Variants in TMIGD3 observed in about 807,000 individuals in gnomAD.
TMIGD3 encodes the protein transmembrane and immunoglobulin domain containing 3, also known as AD026 protein (AD026).
TMIGD3 carries 21 observed loss-of-function variants against 28.1 expected under a neutral mutation model. That is an observed-to-expected ratio of 0.75 (90% CI 0.53 to 1.08). TMIGD3 has a LOEUF of 1.08. TMIGD3 is among the 50% of genes least tolerant of loss of function. The pLI is 0.00. For missense variants in TMIGD3, 416 were observed against 435.6 expected, an observed-to-expected ratio of 0.96 and a Z score of 0.40; for synonymous variants, 151 against 162.1, an observed-to-expected ratio of 0.93 and a Z score of 0.52.
At chr1:111,525,567 A>T (rs916512588) in intron 1 of TMIGD3, among the ~76,000 whole-genome samples, 10 of 152,278 alleles carry the variant, frequency 6.6e-5, no homozygotes, top group African/African-American at 2.4e-4. Flanking sequence ...CTTTATATTT[A>T]AAACTAATTT....
At chr1:111,534,432 C>A (rs994182859) in intron 1 of TMIGD3, among the ~76,000 whole-genome samples, 5 of 152,222 alleles carry the variant, frequency 3.3e-5, no homozygotes, top group African/African-American at 1.2e-4. Context: ...TTTGTCTATG[C>A]TGAGCTCCTA....
At chr1:111,491,989 A>G (rs1654689096) in intron 1 of TMIGD3, among the ~76,000 whole-genome samples, 1 of 152,342 alleles carries the variant, frequency 6.6e-6, no homozygotes, top group Middle Eastern at 3.4e-3. Context: ...AAAATATGGC[A>G]GAAGTGATGG....
chr1:111,499,917 G>A, intron 1 of TMIGD3: 4 of 1,602,640 alleles, frequency 2.5e-6, no homozygotes, highest in Middle Eastern at 3.3e-4. Context: ...GGAATCTGAA[G>A]GTCAATGAGA....
intron 1 of TMIGD3, among the ~76,000 whole-genome samples, chr1:111,536,990 T>C (rs1255339223): frequency 6.6e-6 from 1 of 152,230 alleles, no homozygotes; most frequent in Non-Finnish European, 1.5e-5. Flanking sequence ...AGTTGACTGC[T>C]TCCTAGTACT....
Position 111,503,517 on chromosome 1 carries a change from T to C in TMIGD3, c.-163A>G. The C allele has an allele frequency of 7.0e-7, 1 of 1,432,180 alleles. No individual in the cohort carries two copies. The highest frequency in any genetic ancestry group is 9.1e-7 in the Non-Finnish European group (1 of 1,095,208). The allele number at this position is 1,432,180 out of a possible 1,614,324, so 88.7% of individuals were successfully genotyped here. The stretch of plus-strand genomic sequence containing the variant: ...TTCCTACCCTTTTCTGGTGGGGTGA[T>C]CTCTTGGAAACCCTTCTCCTTAGAA... On this transcript the variant is annotated 5_prime_UTR_variant, in exon 1 of 6. Coordinates refer to ENST00000369716, the MANE Select transcript of TMIGD3 (RefSeq NM_020683.7).
At chr1:111,484,204 TTGATGTG>T (rs1654249407) in intron 5 of TMIGD3, among the ~76,000 whole-genome samples, 1 of 152,188 alleles carries the variant, frequency 6.6e-6, no homozygotes, top group South Asian at 2.1e-4. Context: ...CATTTGGGTG[TTGATGTG>T]TGATGTGTGA....
chr1:111,557,358 C>T (rs1186845505), intron 1 of TMIGD3, among the ~76,000 whole-genome samples: 2 of 152,044 alleles, frequency 1.3e-5, no homozygotes, highest in Non-Finnish European at 2.9e-5. Context: ...ACCATCCTGG[C>T]TAACACGGTG....
intron 1 of TMIGD3, among the ~76,000 whole-genome samples, chr1:111,553,469 C>T (rs552054162): frequency 2.6e-5 from 4 of 152,258 alleles, no homozygotes; most frequent in South Asian, 2.1e-4. Flanking sequence ...CCATCATCCA[C>T]GCAACAGGAT....
intron 1 of TMIGD3, among the ~76,000 whole-genome samples, chr1:111,496,379 A>G (rs1471249724): frequency 1.3e-5 from 2 of 152,194 alleles, no homozygotes; most frequent in Non-Finnish European, 2.9e-5. Flanking sequence ...GCACACCTAA[A>G]GCCTTTCCCT....
At chr1:111,555,205 A>G (rs1657434978) in intron 1 of TMIGD3, among the ~76,000 whole-genome samples, 1 of 151,786 alleles carries the variant, frequency 6.6e-6, no homozygotes, top group Non-Finnish European at 1.5e-5. Context: ...GTCTCTACTA[A>G]AAACACAAAA....
At chr1:111,524,396 A>AT (rs754035832) in intron 1 of TMIGD3, among the ~76,000 whole-genome samples, 3 of 152,068 alleles carry the variant, frequency 2.0e-5, no homozygotes, top group Non-Finnish European at 4.4e-5. Context: ...TTTAAAAAAA[A>AT]TTTTAAATGA....
rs1338115188 is a variant in TMIGD3, at chr1:111,527,471, CAT to C, written c.107+36373_107+36374del. ...TATAAATAAATCTGTTACAAACACT[CAT>C]GTGTAGGTTTTTCTGTGGACGTAAA... is the stretch of plus-strand genomic sequence containing the variant. On this transcript the variant is annotated intron_variant, in intron 1 of 5. Transcript: ENST00000369717. Among the ~76,000 whole-genome samples, 3 of 152,308 alleles carry C rather than the reference CAT, an allele frequency of 2.0e-5. No individual in the cohort carries two copies. The East Asian group carries it at 5.8e-4, about 29-fold the overall frequency.
At chr1:111,498,680 CT>C (rs1323564542) in intron 1 of TMIGD3, among the ~76,000 whole-genome samples, 3 of 152,178 alleles carry the variant, frequency 2.0e-5, no homozygotes, top group African/African-American at 7.2e-5. Flanking sequence ...CTTAACTTCC[CT>C]GTGCCTCAGT....
intron 1 of TMIGD3, among the ~76,000 whole-genome samples, chr1:111,492,682 T>C (rs1654722162): frequency 6.6e-6 from 1 of 151,866 alleles, no homozygotes; most frequent in Non-Finnish European, 1.5e-5. Context: ...GGCGTGGTGG[T>C]GCGTGCCTGT....
upstream of TMIGD3, among the ~76,000 whole-genome samples, chr1:111,504,382 C>T (rs1015821960): frequency 1.3e-5 from 2 of 152,206 alleles, no homozygotes; most frequent in African/African-American, 4.8e-5. Flanking sequence ...TGCCCACATT[C>T]CCCAAGCCTC....
chr1:111,551,870 C>T (rs1489765212), intron 1 of TMIGD3, among the ~76,000 whole-genome samples: 1 of 152,124 alleles, frequency 6.6e-6, no homozygotes, highest in Non-Finnish European at 1.5e-5. Flanking sequence ...CCTTCACTTA[C>T]TGTTTGCTCA....
At chr1:111,524,046 T>G (rs371572195) in intron 1 of TMIGD3, among the ~76,000 whole-genome samples, 94 of 80,006 alleles carry the variant, frequency 1.2e-3, no homozygotes, top group Non-Finnish European at 2.1e-3. Flanking sequence ...TTTTTTTTTT[T>G]TGGGATGGAA....
At chr1:111,561,586 TCAGGTCAAACACAGAG>T (rs1657738588) in intron 1 of TMIGD3, among the ~76,000 whole-genome samples, 1 of 152,152 alleles carries the variant, frequency 6.6e-6, no homozygotes, top group African/African-American at 2.4e-5. Flanking sequence ...GGCCACATGG[TCAGGTCAAACACAGAG>T]CAGAAGGTCA....
At chr1:111,541,680 AAG>A (rs542526147) in intron 1 of TMIGD3, among the ~76,000 whole-genome samples, 12 of 142,930 alleles carry the variant, frequency 8.4e-5, no homozygotes, top group African/African-American at 2.4e-4. Context: ...GAGAGAGAGA[AAG>A]AGAGAGAGAG....
Sources: gnomAD v4.1 joint callset for allele counts (sites outside exome capture counted in the v4.1 genomes callset) on GRCh38, gnomAD v4.1.1 for gene constraint, MANE v1.5 for transcripts, NCBI Gene and HGNC (gene_info 2026-07-23, HGNC 2026-07-21) for gene names.